The following MRPS28 variants were observed in gnomAD, a reference collection of about 807,000 sequenced individuals.
MRPS28 encodes mitochondrial ribosomal protein S28.
Under a neutral mutation model 10.8 loss-of-function variants are expected in MRPS28, and 7 were observed. That is an observed-to-expected ratio of 0.65 (90% CI 0.37 to 1.22). The LOEUF (loss-of-function observed/expected upper bound fraction) is 1.22, where lower values mean the gene tolerates loss of function less well. Ranked by LOEUF, MRPS28 falls within the 50% of genes most tolerant of loss-of-function variation. MRPS28 has a pLI of 0.02. For synonymous variants in MRPS28, 121 were observed against 93.3 expected (o/e 1.30, Z -1.71); for missense variants, 265 against 232.9 (o/e 1.14, Z -0.90).
intron 1 of MRPS28, among the ~76,000 whole-genome samples, chr8:80,005,637 C>T (rs368095555): frequency 2.6e-5 from 4 of 152,110 alleles, no homozygotes; most frequent in Admixed American, 6.6e-5. Flanking sequence ...CATAACAATA[C>T]TAACCTTAAA....
intron 2 of MRPS28, among the ~76,000 whole-genome samples, chr8:79,993,242 C>T (rs1317575007): frequency 6.6e-6 from 1 of 152,184 alleles, no homozygotes; most frequent in Non-Finnish European, 1.5e-5. Context: ...TAATTGCTTG[C>T]ATTCCTTAAC....
At chr8:79,942,274 G>A (rs948956738) in intron 2 of MRPS28, among the ~76,000 whole-genome samples, 2 of 152,158 alleles carry the variant, frequency 1.3e-5, no homozygotes, top group Admixed American at 6.5e-5. Context: ...TGCATTCAAG[G>A]GAGTGATACA....
At chr8:79,940,630 T>C (rs1211507116) in intron 2 of MRPS28, among the ~76,000 whole-genome samples, 2 of 152,260 alleles carry the variant, frequency 1.3e-5, no homozygotes, top group African/African-American at 4.8e-5. Flanking sequence ...ATCCGGTTGC[T>C]GTCTAGGTAT....
chr8:79,990,883 C>T (rs1433204050), intron 2 of MRPS28, among the ~76,000 whole-genome samples: 1 of 151,000 alleles, frequency 6.6e-6, no homozygotes, highest in Non-Finnish European at 1.5e-5. Context: ...CCCAGCTACT[C>T]GGGAGGCTGA....
At chr8:80,029,942 C>A (rs1271113644) in intron 1 of MRPS28, 94 bp downstream of exon 1, 1 of 1,538,700 alleles carries the variant, frequency 6.5e-7, no homozygotes. Context: ...CCTCAGCTCC[C>A]CTTCCTAAGC....
rs186589481 is a variant in MRPS28 at position 80,003,941 on chromosome 8, G to A, written c.214-761C>T. Among the ~76,000 whole-genome samples the A allele has an allele frequency of 5.6e-3, 858 of 152,274 alleles. 10 individuals carry two copies. Among genetic ancestry groups the A allele is most frequent in the African/African-American group, 0.02 (828 of 41,560 alleles). ...CAAGGCAGCAACGAGGCTGGGGGAC[G>A]GGCGCCCACCATTGCCAAGGCTTGA... On this transcript the variant is annotated intron_variant, in intron 1 of 2. Coordinates refer to ENST00000276585, the MANE Select transcript of MRPS28 (RefSeq NM_014018.3).
intron 1 of MRPS28, among the ~76,000 whole-genome samples, chr8:80,020,379 G>A (rs1013796693): frequency 6.6e-6 from 1 of 152,140 alleles, no homozygotes; most frequent in Admixed American, 6.5e-5. Context: ...GGTTAACTTT[G>A]GAACGCCCTT....
At chr8:80,019,634 G>A (rs1043981521) in intron 1 of MRPS28, among the ~76,000 whole-genome samples, 11 of 151,720 alleles carry the variant, frequency 7.3e-5, no homozygotes, top group Non-Finnish European at 1.5e-4. Flanking sequence ...CCTAGCTAAT[G>A]CAATAAGACA....
chr8:80,021,757 C>G (rs773210770), intron 1 of MRPS28, among the ~76,000 whole-genome samples: 1 of 152,082 alleles, frequency 6.6e-6, no homozygotes. Context: ...CCCGAGAGAC[C>G]AGTGAAATGC....
chr8:79,940,553 A>T lies in MRPS28; in HGVS notation c.396-21405T>A, dbSNP rs183419562. Among the ~76,000 whole-genome samples the T allele has an allele frequency of 1.3e-3, 197 of 152,378 alleles. 1 individual carries two copies. The highest frequency in any genetic ancestry group is 4.8e-3 in the Admixed American group (74 of 15,302). ...AGTTCTGCCTTTATTGCACAGCAAA[A>T]GAAACTATACAGCAGAATCTTTCTT... is the stretch of plus-strand genomic sequence containing the variant. On this transcript the variant is annotated intron_variant, in intron 2 of 2. Transcript: ENST00000276585.
intron 2 of MRPS28, among the ~76,000 whole-genome samples, chr8:79,953,200 T>C (rs1807121753): frequency 6.6e-6 from 1 of 152,094 alleles, no homozygotes; most frequent in African/African-American, 2.4e-5. Flanking sequence ...TTTTAAAAAA[T>C]ACAATGCCAC....
chr8:79,976,637 T>C (rs1046617593), intron 2 of MRPS28, among the ~76,000 whole-genome samples: 1 of 151,850 alleles, frequency 6.6e-6, no homozygotes, highest in South Asian at 2.1e-4. Context: ...ACCAGGGAGG[T>C]GATGGTTGCA....
intron 2 of MRPS28, among the ~76,000 whole-genome samples, chr8:79,991,989 T>A (rs1309537750): frequency 2.0e-5 from 3 of 150,440 alleles, no homozygotes; most frequent in Non-Finnish European, 4.4e-5. Flanking sequence ...AGTTGCTATG[T>A]TGTGAGGGCA....
chr8:80,019,821 G>GC (rs1563544881), intron 1 of MRPS28, among the ~76,000 whole-genome samples: 1 of 152,146 alleles, frequency 6.6e-6, no homozygotes, highest in Admixed American at 6.5e-5. Flanking sequence ...AAACTATGTG[G>GC]CCAAAGTATT....
chr8:79,937,502 T>C (rs892684918), intron 2 of MRPS28, among the ~76,000 whole-genome samples: 1 of 152,200 alleles, frequency 6.6e-6, no homozygotes, highest in African/African-American at 2.4e-5. Context: ...TGATACTGAT[T>C]TTCAACGCCT....
intron 1 of MRPS28, among the ~76,000 whole-genome samples, chr8:80,003,543 G>A (rs930423832): frequency 1.3e-5 from 2 of 152,170 alleles, no homozygotes; most frequent in African/African-American, 4.8e-5. Context: ...AATAGGAACA[G>A]CTCCAGTCTA....
At chr8:79,946,638 T>G (rs149023531) in intron 2 of MRPS28, among the ~76,000 whole-genome samples, 3 of 152,064 alleles carry the variant, frequency 2.0e-5, no homozygotes, top group African/African-American at 7.2e-5. Context: ...TATCTCTGAG[T>G]GGTAGGATTT....
chr8:80,017,321 T>C (rs1809221030), intron 1 of MRPS28, among the ~76,000 whole-genome samples: 1 of 151,990 alleles, frequency 6.6e-6, no homozygotes, highest in South Asian at 2.1e-4. Context: ...AGGAAATCAA[T>C]AGAATCAACG....
intron 1 of MRPS28, among the ~76,000 whole-genome samples, chr8:80,028,949 C>T (rs1586107370): frequency 6.6e-6 from 1 of 151,820 alleles, no homozygotes; most frequent in South Asian, 2.1e-4. Context: ...AGAGCGAGAC[C>T]CTGTCTCAAA....
Sources: allele counts gnomAD v4.1 joint callset (sites outside exome capture counted in the v4.1 genomes callset), GRCh38; gene constraint gnomAD v4.1.1; transcripts MANE v1.5; gene names NCBI Gene and HGNC (gene_info 2026-07-23, HGNC 2026-07-21).